The following TXNDC8 variants were observed in gnomAD, a reference collection of about 807,000 sequenced individuals.
The protein encoded by TXNDC8 is thioredoxin domain containing 8, also known as thioredoxin domain-containing protein 8.
A neutral mutation model predicts 12.9 loss-of-function variants in TXNDC8; 15 were observed. The observed-to-expected ratio is 1.16, with a 90% CI of 0.78 to 1.79. The LOEUF (loss-of-function observed/expected upper bound fraction) is 1.79. Among genes scored for constraint, TXNDC8 ranks in the 40% most tolerant of loss-of-function variants. The pLI, the probability that TXNDC8 is intolerant of heterozygous loss-of-function variation, is 0.00. For missense variants in TXNDC8, 128 were observed against 113.2 expected, an observed-to-expected ratio of 1.13 and a Z score of -0.59; for synonymous variants, 40 against 35.4, an observed-to-expected ratio of 1.13 and a Z score of -0.46.
chr9:110,320,499 AC>A (rs923376488), intron 3 of TXNDC8, among the ~76,000 whole-genome samples: 5 of 152,264 alleles, frequency 3.3e-5, no homozygotes, highest in African/African-American at 1.2e-4. Context: ...TGTGTAAATT[AC>A]CCAGTCTCAG....
At chr9:110,326,448 C>T (rs556626228) in intron 2 of TXNDC8, among the ~76,000 whole-genome samples, 1 of 152,306 alleles carries the variant, frequency 6.6e-6, no homozygotes, top group East Asian at 1.9e-4. Context: ...ATGATCGTTA[C>T]AGCGTTCCTG....
At chr9:110,302,683 G>A (rs911487868), downstream of TXNDC8, among the ~76,000 whole-genome samples, 5 of 150,104 alleles carry the variant, frequency 3.3e-5, no homozygotes, top group African/African-American at 9.8e-5. Context: ...TGGTTTGTAT[G>A]TGTGTGGGTC....
chr9:110,301,716 G>C (rs182115872), downstream of TXNDC8, among the ~76,000 whole-genome samples: 1 of 152,284 alleles, frequency 6.6e-6, no homozygotes, highest in East Asian at 1.9e-4. Context: ...CAACATAAAG[G>C]ATGATTCAGA....
chr9:110,332,926 G>T (rs903231817), intron 2 of TXNDC8, among the ~76,000 whole-genome samples: 3 of 152,184 alleles, frequency 2.0e-5, no homozygotes, highest in Non-Finnish European at 4.4e-5. Flanking sequence ...TCGCCTCATT[G>T]CAATAACATG....
At chr9:110,325,874 C>T (rs1839296097) in intron 3 of TXNDC8, among the ~76,000 whole-genome samples, 1 of 152,138 alleles carries the variant, frequency 6.6e-6, no homozygotes, top group Admixed American at 6.5e-5. Flanking sequence ...TGAAAAGAGT[C>T]TTTCTTGATG....
At position 110,329,295 on chromosome 9, in the gene TXNDC8, C is replaced by T; in HGVS notation, c.130-3055G>A. ...TTTGGTATTTCACAGACATAGCCTT[C>T]AAAATAAAAAATAAATATTTCCCAT... On this transcript the variant is annotated intron_variant, in intron 2 of 4. Transcript: ENST00000423740. 6.2e-7 allele frequency: 1 copy of T among 1,600,772 alleles called. No individual in the cohort carries two copies. The highest frequency in any genetic ancestry group is 8.5e-7 in the Non-Finnish European group (1 of 1,173,452).
At chr9:110,307,886 C>G (rs987179681) in intron 3 of TXNDC8, among the ~76,000 whole-genome samples, 1 of 152,252 alleles carries the variant, frequency 6.6e-6, no homozygotes, top group African/African-American at 2.4e-5. Flanking sequence ...AAGCTGTCCT[C>G]TAACCGTCTT....
At chr9:110,334,951 G>A (rs1839689400) in intron 1 of TXNDC8, among the ~76,000 whole-genome samples, 1 of 152,184 alleles carries the variant, frequency 6.6e-6, no homozygotes, top group African/African-American at 2.4e-5. Context: ...GATTTGACAT[G>A]CTTATTGCTG....
intron 3 of TXNDC8, among the ~76,000 whole-genome samples, chr9:110,315,425 C>T (rs1004420687): frequency 2.2e-4 from 33 of 151,954 alleles, no homozygotes; most frequent in Non-Finnish European, 2.9e-4. Flanking sequence ...ATGCCAAAGA[C>T]ATTGAATCAC....
intron 3 of TXNDC8, among the ~76,000 whole-genome samples, chr9:110,313,130 T>G (rs1488979639): frequency 6.6e-6 from 1 of 152,148 alleles, no homozygotes; most frequent in East Asian, 1.9e-4. Flanking sequence ...GGTCTTGAAC[T>G]CCTGACCTCA....
intron 3 of TXNDC8, among the ~76,000 whole-genome samples, chr9:110,305,695 CTTTA>C (rs142402909): frequency 0.056 from 7,739 of 139,048 alleles, 391 homozygotes; most frequent in African/African-American, 0.078. Context: ...TCTTTCTCCT[CTTTA>C]TATCTTTCCT....
intron 1 of TXNDC8, among the ~76,000 whole-genome samples, chr9:110,335,301 A>T (rs7031717): frequency 0.088 from 13,413 of 151,978 alleles, 594 homozygotes; most frequent in Middle Eastern, 0.11. Flanking sequence ...TAGCGGTGCG[A>T]TCTCAGCTCA....
chr9:110,329,771 A>C, intron 2 of TXNDC8, among the ~76,000 whole-genome samples: 1 of 152,144 alleles, frequency 6.6e-6, no homozygotes, highest in Admixed American at 6.5e-5. Context: ...AAGCGATGTC[A>C]ACATTTTAAT....
chr9:110,306,371 T>A (rs1838468405), intron 3 of TXNDC8, among the ~76,000 whole-genome samples: 1 of 152,226 alleles, frequency 6.6e-6, no homozygotes, highest in Non-Finnish European at 1.5e-5. Context: ...AACTTGTCTC[T>A]TTCGGTCTCC....
intron 1 of TXNDC8, among the ~76,000 whole-genome samples, chr9:110,336,154 C>T (rs67994841): frequency 0.11 from 16,758 of 152,222 alleles, 1,046 homozygotes; most frequent in Middle Eastern, 0.15. Context: ...CATGTGGAAC[C>T]GTGAGTTCAT....
At chr9:110,322,469 A>G in intron 3 of TXNDC8, 1 of 985,436 alleles carries the variant, frequency 1.0e-6, no homozygotes, top group Non-Finnish European at 1.2e-6. Context: ...AGTTAGATAT[A>G]ATTGTTTATA....
chr9:110,335,772 C>T (rs1839727234), intron 1 of TXNDC8, among the ~76,000 whole-genome samples: 1 of 152,088 alleles, frequency 6.6e-6, no homozygotes. Flanking sequence ...TGTGCTTATT[C>T]CTGGACCGAA....
chr9:110,337,831 G>A lies in TXNDC8; in HGVS notation c.-35C>T. ...AGGGAAGTGCTGATGAAAATCCCCT[G>A]TTGGTTTAGTTGGATCACTGTAGCT... On this transcript the variant is annotated 5_prime_UTR_variant, in exon 1 of 5. Transcript: ENST00000423740. The A allele has an allele frequency of 6.2e-7, 1 of 1,606,956 alleles. No individual in the cohort carries two copies. The highest frequency in any genetic ancestry group is 8.5e-7 in the Non-Finnish European group (1 of 1,173,954).
intron 3 of TXNDC8, among the ~76,000 whole-genome samples, chr9:110,325,371 C>T (rs779474218): frequency 3.9e-5 from 6 of 152,092 alleles, no homozygotes; most frequent in Admixed American, 1.3e-4. Flanking sequence ...CTACTCAAGG[C>T]GCTACAGCTA....
Sources: gnomAD v4.1 joint callset for allele counts (sites outside exome capture counted in the v4.1 genomes callset) on GRCh38, gnomAD v4.1.1 for gene constraint, MANE v1.5 for transcripts, NCBI Gene and HGNC (gene_info 2026-07-23, HGNC 2026-07-21) for gene names.